The following ITGA11 variants were observed in gnomAD, a reference collection of about 807,000 sequenced individuals.
ITGA11 encodes the protein integrin subunit alpha 11.
In ITGA11, 97 loss-of-function variants were observed where a neutral mutation model predicts 141.9. The observed-to-expected ratio is 0.68, with a 90% confidence interval of 0.58 to 0.81. The LOEUF (loss-of-function observed/expected upper bound fraction) is 0.81. Among genes scored for constraint, ITGA11 ranks in the 30% least tolerant of loss-of-function variants. The pLI, the probability that ITGA11 is intolerant of heterozygous loss-of-function variation, is 0.00. For missense variants in ITGA11, 1,387 were observed against 1,559.2 expected, an observed-to-expected ratio of 0.89 and a Z score of 1.86; for synonymous variants, 658 against 624.6, an observed-to-expected ratio of 1.05 and a Z score of -0.80.
Position 68,307,391 on chromosome 15 carries a change from A to G in ITGA11, c.3338T>C (p.Phe1113Ser). 1 of 1,558,780 alleles carries G rather than the reference A, an allele frequency of 6.4e-7. No individual in the cohort carries two copies. Among genetic ancestry groups the G allele is most frequent in the Non-Finnish European group, 8.7e-7 (1 of 1,150,576 alleles). ...CTCACGGAAGATGAAGGGGCTGTGG[A>G]ACTGCCTCTGCAAGGCTGCGTTGAC... The part of the protein sequence containing the change: ...IMVNAALQRQ[F>S]HSPFIFREED... Residue 1113 changes from phenylalanine to serine, a missense_variant, in exon 28 of 30, where the codon TTC becomes TCC. Phe to Ser is a radical substitution (Grantham distance 155). Coordinates refer to ENST00000315757, the MANE Select transcript of ITGA11 (RefSeq NM_001004439.2). This position sits in a 1 kb window ranked among gnomAD's most constrained non-coding sequence, Gnocchi z 6.1.
At chr15:68,374,377 G>A (rs1291713893) in intron 2 of ITGA11, among the ~76,000 whole-genome samples, 2 of 50,202 alleles carry the variant, frequency 4.0e-5, no homozygotes, top group African/African-American at 1.3e-4. Context: ...AACAGGCCTC[G>A]AGACATCAGA....
chr15:68,371,423 C>A (rs966555044), intron 2 of ITGA11, among the ~76,000 whole-genome samples: 17 of 152,102 alleles, frequency 1.1e-4, no homozygotes, highest in African/African-American at 4.1e-4. Flanking sequence ...ATTAGAAAAG[C>A]CACGGCCAGC....
intron 1 of ITGA11, among the ~76,000 whole-genome samples, chr15:68,406,117 G>A (rs1406924838): frequency 6.6e-6 from 1 of 152,172 alleles, no homozygotes; most frequent in African/African-American, 2.4e-5. Flanking sequence ...GGCCAGTGAA[G>A]GTGAAGCCAC....
intron 2 of ITGA11, among the ~76,000 whole-genome samples, chr15:68,373,588 C>G (rs1450619100): frequency 6.6e-6 from 1 of 152,214 alleles, no homozygotes; most frequent in Non-Finnish European, 1.5e-5. Flanking sequence ...GATTCTGACT[C>G]TATTCCCAGT....
intron 3 of ITGA11, 81 bp downstream of exon 3, chr15:68,369,103 T>C (rs1895510581): frequency 2.1e-6 from 2 of 954,844 alleles, no homozygotes; most frequent in South Asian, 1.4e-5. Flanking sequence ...AGTGTGACCA[T>C]GGACATGGGC....
chr15:68,373,961 C>A (rs571579623), intron 2 of ITGA11, among the ~76,000 whole-genome samples: 68 of 152,306 alleles, frequency 4.5e-4, no homozygotes, highest in African/African-American at 1.6e-3. Context: ...CAATGACTAC[C>A]TTTTACTGCA....
chr15:68,387,477 C>G (rs1375988968), intron 2 of ITGA11, among the ~76,000 whole-genome samples: 1 of 152,186 alleles, frequency 6.6e-6, no homozygotes, highest in Non-Finnish European at 1.5e-5. Flanking sequence ...ATCAGAAACT[C>G]TGGAGGTGGG....
Position 68,302,295 on chromosome 15 carries a change from C to T in ITGA11, c.*764G>A, listed in dbSNP as rs1172345438. On this transcript the variant is annotated 3_prime_UTR_variant, in exon 30 of 30. Transcript: ENST00000315757. ...GAGGTACCTGGGAACAAAAGTGACC[C>T]GGGAGGGTTGGCAGCTGAGAGCAAG... 3 of 152,266 alleles carry T rather than the reference C, an allele frequency of 2.0e-5. No homozygotes were observed. The highest frequency in any genetic ancestry group is 4.4e-5 in the Non-Finnish European group (3 of 68,138). The allele number at this position is 152,266 out of a possible 1,614,324, so 9.4% of individuals were successfully genotyped here.
intron 1 of ITGA11, among the ~76,000 whole-genome samples, chr15:68,431,686 C>T (rs1250184834): frequency 6.6e-6 from 1 of 152,246 alleles, no homozygotes; most frequent in African/African-American, 2.4e-5. Context: ...CCCTGGCAGC[C>T]GTGCGGGAAC....
rs1403111863 is a variant in ITGA11, at chr15:68,321,735, C to T, written c.2323-232G>A. Among the ~76,000 whole-genome samples the T allele has an allele frequency of 6.6e-6, 1 of 152,170 alleles. No homozygotes were observed. Among genetic ancestry groups the T allele is most frequent in the African/African-American group, 2.4e-5 (1 of 41,430 alleles). ...CTCCAGTTCATAACTGAGCTGATGG[C>T]ACAGAACCCCCACCCCCACTCACCC... On this transcript the variant is annotated intron_variant, in intron 18 of 29. Transcript: ENST00000315757. This position sits in a 1 kb window ranked among gnomAD's most constrained non-coding sequence, Gnocchi z 4.9.
Position 68,305,492 on chromosome 15 carries a change from G to A in ITGA11, c.3382-1607C>T, listed in dbSNP as rs919283151. Among the ~76,000 whole-genome samples, 19 of 152,048 alleles carry A rather than the reference G, an allele frequency of 1.2e-4. No homozygotes were observed. Among genetic ancestry groups the A allele is most frequent in the African/African-American group, 4.4e-4 (18 of 41,328 alleles). ...ATCCTCAGAACCTGGAGCCGTGCCG[G>A]GAATGTAGCAGGAGCTCAGCTAACA... On this transcript the variant is annotated intron_variant, in intron 28 of 29. Coordinates refer to ENST00000315757, the MANE Select transcript of ITGA11 (RefSeq NM_001004439.2). This position sits in a 1 kb window ranked among gnomAD's most constrained non-coding sequence, Gnocchi z 4.6.
chr15:68,427,324 C>T (rs773497530), intron 1 of ITGA11, among the ~76,000 whole-genome samples: 12 of 152,190 alleles, frequency 7.9e-5, no homozygotes, highest in Non-Finnish European at 1.6e-4. Flanking sequence ...AAATGAATTA[C>T]ATATGGACAT....
intron 6 of ITGA11, 116 bp downstream of exon 6, chr15:68,358,342 C>T: frequency 1.7e-6 from 2 of 1,177,930 alleles, no homozygotes; most frequent in Non-Finnish European, 2.3e-6. Context: ...ACTACCTCTG[C>T]CCTCTTACCT....
chr15:68,325,419 G>A lies in ITGA11; in HGVS notation c.2212-178C>T, dbSNP rs1017476149. ...TCTAGCGGGTCTGTTGGTGGGAAGA[G>A]TGTGCTTCTGTGAAAGGAGCTCCAA... On this transcript the variant is annotated intron_variant, in intron 17 of 29. Transcript: ENST00000315757. This position sits in a 1 kb window ranked among gnomAD's most constrained non-coding sequence, Gnocchi z 5.5. Among the ~76,000 whole-genome samples the A allele has an allele frequency of 2.0e-5, 3 of 152,196 alleles. No individual in the cohort carries two copies. Among genetic ancestry groups the A allele is most frequent in the Non-Finnish European group, 4.4e-5 (3 of 68,040 alleles).
chr15:68,310,151 C>T (rs1020761856), intron 26 of ITGA11, among the ~76,000 whole-genome samples: 13 of 152,160 alleles, frequency 8.5e-5, no homozygotes, highest in African/African-American at 3.1e-4. Context: ...ATCATCATAT[C>T]TATTTACCAT....
chr15:68,312,252 T>C (rs1479132928), intron 24 of ITGA11, among the ~76,000 whole-genome samples: 1 of 151,892 alleles, frequency 6.6e-6, no homozygotes, highest in Non-Finnish European at 1.5e-5. Flanking sequence ...TAAAGAGAGG[T>C]CACTGGAAGA....
At position 68,339,450 on chromosome 15, in the gene ITGA11, TGCCCTCCCGGCCCACGACCC is replaced by T. The variant is rs755931250; in HGVS notation, c.1276+30_1276+49del. 5.1e-6 allele frequency: 8 copies of T among 1,567,716 alleles called. No individual in the cohort carries two copies. The East Asian group carries it at 1.7e-4, about 32-fold the overall frequency. The stretch of plus-strand genomic sequence containing the variant: ...GGCTGGGGGTTGTGCAGCCCCTGGG[TGCCCTCCCGGCCCACGACCC>T]GCCAGCCTCCCCTCACTCTGCGCTC... On this transcript the variant is annotated intron_variant, in intron 11 of 29. Coordinates refer to ENST00000315757, the MANE Select transcript of ITGA11 (RefSeq NM_001004439.2).
chr15:68,348,338 C>G (rs572969100), intron 10 of ITGA11, among the ~76,000 whole-genome samples: 64 of 152,304 alleles, frequency 4.2e-4, no homozygotes, highest in Middle Eastern at 3.4e-3. Context: ...GGATACCCTC[C>G]CAACATTGAC....
intron 1 of ITGA11, among the ~76,000 whole-genome samples, chr15:68,426,818 C>A (rs921138532): frequency 2.6e-5 from 4 of 151,874 alleles, no homozygotes; most frequent in African/African-American, 9.7e-5. Flanking sequence ...AGTTCAAGAC[C>A]AGCCTGGTCA....
Sources: allele counts gnomAD v4.1 joint callset (sites outside exome capture counted in the v4.1 genomes callset), GRCh38; gene constraint gnomAD v4.1.1; non-coding constraint Gnocchi (gnomAD v3.1); transcripts MANE v1.5; gene names NCBI Gene and HGNC (gene_info 2026-07-23, HGNC 2026-07-21).